NRG1: variants seen among roughly 807,000 people sequenced by gnomAD.
The protein encoded by NRG1 is neuregulin 1, also known as pro-neuregulin-1, membrane-bound isoform.
A neutral mutation model predicts 63.8 loss-of-function variants in NRG1; 18 were observed. The ratio of observed to expected loss-of-function variants is 0.28; its 90% confidence interval spans 0.19 to 0.42. NRG1 has a LOEUF of 0.42. Ranked by LOEUF, NRG1 falls within the 10% of genes least tolerant of loss-of-function variation. The pLI, the probability that NRG1 is intolerant of heterozygous loss-of-function variation, is 1.00. For synonymous variants in NRG1, 302 were observed against 301.3 expected (o/e 1.00, Z -0.02); for missense variants, 762 against 814.7 (o/e 0.94, Z 0.79).
In NRG1 at chr8:32,637,192, C is replaced by G. The variant is rs540930304; in HGVS notation, c.502+20307C>G. On this transcript the variant is annotated intron_variant, in intron 5 of 11. Transcript: ENST00000356819. The stretch of plus-strand genomic sequence containing the variant: ...ACCAAGATTTTACAGTTAATATTTT[C>G]CTATATTTGCTTACTGAGTGTCTAC... Among the ~76,000 whole-genome samples the G allele has an allele frequency of 7.9e-5, 12 of 152,098 alleles. No homozygotes were observed. In the East Asian group the frequency reaches 9.7e-4, roughly 12 times the overall value.
intron 1 of NRG1, among the ~76,000 whole-genome samples, chr8:32,408,126 T>C (rs1053825320): frequency 2.3e-4 from 35 of 152,226 alleles, no homozygotes; most frequent in Non-Finnish European, 4.4e-4. Context: ...GACAATAAGT[T>C]ACTGCTAGGT....
At chr8:32,701,814 A>G (rs959893423) in intron 5 of NRG1, among the ~76,000 whole-genome samples, 8 of 152,336 alleles carry the variant, frequency 5.3e-5, no homozygotes, top group African/African-American at 1.9e-4. Flanking sequence ...TTAGTTGAAC[A>G]AAAAGAAAAC....
intron 5 of NRG1, among the ~76,000 whole-genome samples, chr8:32,725,464 ATTTTTTTTTTTTTTT>A (rs71209904): frequency 5.9e-5 from 4 of 67,582 alleles, no homozygotes; most frequent in East Asian, 6.4e-4. Flanking sequence ...AAACTTCCTA[ATTTTTTTTTTTTTTT>A]TTTTTTTTTT....
chr8:32,538,793 GTACTT>G (rs1433300449), intron 1 of NRG1, among the ~76,000 whole-genome samples: 1 of 152,098 alleles, frequency 6.6e-6, no homozygotes, highest in African/African-American at 2.4e-5. Context: ...CGGTGGTTGT[GTACTT>G]TAAGAAGATA....
chr8:31,847,323 GA>G (rs1226793510), intron 1 of NRG1, among the ~76,000 whole-genome samples: 4 of 28,614 alleles, frequency 1.4e-4, no homozygotes, highest in Admixed American at 9.2e-4. Context: ...GCCAAAAACA[GA>G]GTTTCTCTAC....
At chr8:32,452,279 G>T (rs1358980474) in intron 1 of NRG1, among the ~76,000 whole-genome samples, 1 of 152,210 alleles carries the variant, frequency 6.6e-6, no homozygotes, top group Admixed American at 6.5e-5. Flanking sequence ...AGTGGGCTTT[G>T]CTTGGTGCTA....
downstream of NRG1, among the ~76,000 whole-genome samples, chr8:32,772,087 A>G (rs1831864052): frequency 1.4e-5 from 2 of 141,986 alleles, no homozygotes; most frequent in South Asian, 2.2e-4. Context: ...ATATATATAT[A>G]TAAAATCCCA....
intron 5 of NRG1, among the ~76,000 whole-genome samples, chr8:32,685,625 G>A (rs1456515996): frequency 3.3e-5 from 5 of 152,108 alleles, no homozygotes; most frequent in African/African-American, 7.2e-5. Flanking sequence ...AGTGTCTAAC[G>A]TTCTTTTCAA....
At chr8:31,710,586 A>G (rs941700758) in intron 1 of NRG1, among the ~76,000 whole-genome samples, 35 of 151,928 alleles carry the variant, frequency 2.3e-4, no homozygotes, top group Admixed American at 1.4e-3. Flanking sequence ...GAGTTATACA[A>G]TGTTGTTTTT....
chr8:32,700,892 A>G lies in NRG1; in HGVS notation c.503-27057A>G, dbSNP rs140457726. 5.3e-3 allele frequency among the ~76,000 whole-genome samples: 807 copies of G among 151,868 alleles called. 9 individuals are homozygous for G. The highest frequency in any genetic ancestry group is 0.048 in the Middle Eastern group (14 of 294). On this transcript the variant is annotated intron_variant, in intron 5 of 11. Coordinates refer to ENST00000356819, the Ensembl canonical transcript of NRG1. ...ATCCTCTTCCCTTTAGACCCTTGTC[A>G]CACTGACCTGCATTCACTTACTGGA...
chr8:32,154,291 C>G (rs1837823360), intron 1 of NRG1, among the ~76,000 whole-genome samples: 1 of 152,102 alleles, frequency 6.6e-6, no homozygotes, highest in Non-Finnish European at 1.5e-5. Context: ...TGCTCTCCCC[C>G]TCTTCCTCTC....
intron 1 of NRG1, among the ~76,000 whole-genome samples, chr8:32,404,534 A>G (rs1467748885): frequency 2.7e-5 from 4 of 146,486 alleles, no homozygotes; most frequent in Admixed American, 6.8e-5. Context: ...AACCTTTTTC[A>G]TGCTTCCTCT....
intron 5 of NRG1, among the ~76,000 whole-genome samples, chr8:32,713,142 A>G (rs1046163594): frequency 6.6e-6 from 1 of 152,142 alleles, no homozygotes; most frequent in Non-Finnish European, 1.5e-5. Flanking sequence ...TACCCCACTT[A>G]ACAGATTAAA....
intron 5 of NRG1, among the ~76,000 whole-genome samples, chr8:32,651,887 A>G (rs1338643635): frequency 1.3e-5 from 2 of 152,196 alleles, no homozygotes; most frequent in African/African-American, 2.4e-5. Context: ...CACTTTAATC[A>G]TAGCCGATTA....
intron 5 of NRG1, among the ~76,000 whole-genome samples, chr8:32,717,363 AG>A (rs1288599940): frequency 5.3e-5 from 8 of 152,298 alleles, no homozygotes; most frequent in Middle Eastern, 6.8e-3. Context: ...TACTTTAAAA[AG>A]TTAGATTTTC....
At position 32,480,570 on chromosome 8, in the gene NRG1, A is replaced by T. The variant is rs543042163; in HGVS notation, c.38-115258A>T. Among the ~76,000 whole-genome samples, 31 of 152,294 alleles carry T rather than the reference A, an allele frequency of 2.0e-4. No homozygotes were observed. The South Asian group carries it at 6.4e-3, about 32-fold the overall frequency. On this transcript the variant is annotated intron_variant, in intron 1 of 10. Coordinates refer to the NRG1 transcript ENST00000519301. The stretch of plus-strand genomic sequence containing the variant: ...AACCTTCCTACAATGTATATGTGTT[A>T]GTCCGTTTTTGCGTTGCTGTAAAGA...
chr8:31,684,480 A>T (rs1808658518), intron 1 of NRG1, among the ~76,000 whole-genome samples: 1 of 152,178 alleles, frequency 6.6e-6, no homozygotes, highest in African/African-American at 2.4e-5. Context: ...AGCTTCCAGA[A>T]CTGCGAGAAA....
rs191611424 is a variant in NRG1 at position 31,746,965 on chromosome 8, T to G, written c.37+107534T>G. Among the ~76,000 whole-genome samples, 3 of 151,870 alleles carry G rather than the reference T, an allele frequency of 2.0e-5. No individual in the cohort carries two copies. The East Asian group carries it at 5.8e-4, about 30-fold the overall frequency. On this transcript the variant is annotated intron_variant, in intron 1 of 10. Transcript: ENST00000519301. Reference sequence around the variant, plus strand: ...TGTGGAATCTTAAAATCAAAACAATTGAACTAATGGACCTAGAGAGTAGAA... The same window carrying G: ...TGTGGAATCTTAAAATCAAAACAATGGAACTAATGGACCTAGAGAGTAGAA...
At chr8:32,580,694 A>G (rs570119954) in intron 1 of NRG1, among the ~76,000 whole-genome samples, 3 of 152,336 alleles carry the variant, frequency 2.0e-5, no homozygotes, top group East Asian at 3.9e-4. Context: ...TTTAATCAGC[A>G]TATTGCACTG....
Sources: gnomAD v4.1 joint callset for allele counts (sites outside exome capture counted in the v4.1 genomes callset) on GRCh38, gnomAD v4.1.1 for gene constraint, MANE v1.5 for transcripts, NCBI Gene and HGNC (gene_info 2026-07-23, HGNC 2026-07-21) for gene names.